The following ANXA8 variants were observed in gnomAD, a reference collection of about 807,000 sequenced individuals.
The protein encoded by ANXA8 is annexin A8.
Under a neutral mutation model 26.8 loss-of-function variants are expected in ANXA8, and 9 were observed. The ratio of observed to expected loss-of-function variants is 0.34; its 90% CI spans 0.20 to 0.59. The LOEUF (loss-of-function observed/expected upper bound fraction) is 0.59. Ranked by LOEUF, ANXA8 falls within the 20% of genes least tolerant of loss-of-function variation. The pLI, the probability that ANXA8 is intolerant of heterozygous loss-of-function variation, is 0.84. For synonymous variants in ANXA8, 39 were observed against 94.8 expected, an observed-to-expected ratio of 0.41 and a Z score of 3.42; for missense variants, 83 against 238.5, an observed-to-expected ratio of 0.35 and a Z score of 4.29.
At chr10:47,945,125 G>A in the ANXA8 span, among the ~76,000 whole-genome samples, 210 of 150,362 alleles carry the variant, frequency 1.4e-3, 2 homozygotes, top group African/African-American at 4.8e-3. Flanking sequence ...CCCTGAGTTC[G>A]ACCCTCTTGT....
the ANXA8 span, chr10:47,970,622 T>C: frequency 6.6e-6 from 1 of 151,558 alleles, no homozygotes; most frequent in East Asian, 1.9e-4. Context: ...ATCGTAGGCA[T>C]GTGACTAATT....
the ANXA8 span, among the ~76,000 whole-genome samples, chr10:47,701,751 G>A: frequency 3.3e-5 from 5 of 151,732 alleles, no homozygotes; most frequent in Admixed American, 3.3e-4. Context: ...GGAGAGGGGT[G>A]GAAGAAAGTG....
At chr10:47,744,533 A>T in the ANXA8 span, among the ~76,000 whole-genome samples, 15 of 150,786 alleles carry the variant, frequency 9.9e-5, no homozygotes, top group Admixed American at 8.6e-4. Context: ...CAGTCACTCC[A>T]CTTTGAGAAA....
chr10:47,736,601 A>AGGTTATCT, the ANXA8 span, among the ~76,000 whole-genome samples: 1 of 150,918 alleles, frequency 6.6e-6, no homozygotes, highest in African/African-American at 2.5e-5. Flanking sequence ...TGTTAGGTTT[A>AGGTTATCT]AAAAAGGTTA....
the ANXA8 span, among the ~76,000 whole-genome samples, chr10:47,944,042 G>A: frequency 2.7e-5 from 4 of 147,476 alleles, no homozygotes; most frequent in South Asian, 2.1e-4. Context: ...GGCTCGGGCC[G>A]CTATTGCAGA....
chr10:47,615,982 A>G, the ANXA8 span, among the ~76,000 whole-genome samples: 2 of 71,044 alleles, frequency 2.8e-5, 1 homozygote, highest in African/African-American at 8.6e-5. Context: ...CAGAGCCAAT[A>G]GGCATTGAGT....
At chr10:47,618,496 A>G in the ANXA8 span, among the ~76,000 whole-genome samples, 2 of 111,840 alleles carry the variant, frequency 1.8e-5, 1 homozygote, top group African/African-American at 6.9e-5. Flanking sequence ...AATTTTGTGG[A>G]TATTCTTTAG....
At chr10:47,974,804 TTA>T in the ANXA8 span, among the ~76,000 whole-genome samples, 2 of 149,684 alleles carry the variant, frequency 1.3e-5, no homozygotes, top group Non-Finnish European at 3.0e-5. Context: ...GAGACTTGCT[TTA>T]TGACTCAGCA....
At chr10:47,565,246 G>C in the ANXA8 span, 1 of 582,910 alleles carries the variant, frequency 1.7e-6, no homozygotes, top group East Asian at 2.7e-5. Context: ...GGGCCCCACT[G>C]CCATGGCTGC....
the ANXA8 span, among the ~76,000 whole-genome samples, chr10:47,617,054 A>G: frequency 3.9e-3 from 279 of 71,880 alleles, 33 homozygotes; most frequent in East Asian, 0.015. Context: ...ATATATACAT[A>G]TAAATTACAT....
chr10:47,951,806 G>A, the ANXA8 span, among the ~76,000 whole-genome samples: 1 of 89,936 alleles, frequency 1.1e-5, no homozygotes, highest in Non-Finnish European at 1.9e-5. Context: ...GCAAGACTCT[G>A]TCTCCAAAAA....
At position 47,484,011 on chromosome 10, in the gene ANXA8, G is replaced by T; in HGVS notation, c.-78C>A. 1 of 1,611,614 alleles carries T rather than the reference G, an allele frequency of 6.2e-7. No homozygotes were observed. Among genetic ancestry groups the T allele is most frequent in the Non-Finnish European group, 8.5e-7 (1 of 1,179,824 alleles). The stretch of plus-strand genomic sequence containing the variant: ...CCTCTGCTGGGACTCCACACGTCTG[G>T]CTCCTGCAGCTGAGGAGTGAGCAGG... On this transcript the variant is annotated 5_prime_UTR_variant, in exon 1 of 12. Transcript: ENST00000585281.
chr10:47,603,298 A>T, the ANXA8 span, among the ~76,000 whole-genome samples: 4 of 149,344 alleles, frequency 2.7e-5, 1 homozygote, highest in African/African-American at 1.0e-4. Context: ...TATTACCAAC[A>T]TATTATAGAA....
chr10:47,628,785 G>T, the ANXA8 span, among the ~76,000 whole-genome samples: 2 of 149,476 alleles, frequency 1.3e-5, 1 homozygote, highest in African/African-American at 5.1e-5. Flanking sequence ...GTGAACAAAA[G>T]AAAAAACATT....
the ANXA8 span, among the ~76,000 whole-genome samples, chr10:47,723,627 CCT>C: frequency 7.2e-6 from 1 of 139,224 alleles, no homozygotes; most frequent in African/African-American, 2.6e-5. Flanking sequence ...TTTTCTACCC[CCT>C]CTTTAAATGC....
the ANXA8 span, among the ~76,000 whole-genome samples, chr10:47,699,668 A>G: frequency 4.0e-5 from 6 of 151,510 alleles, no homozygotes; most frequent in African/African-American, 1.5e-4. Flanking sequence ...AAAGAAAAAG[A>G]AAAAGAAAAA....
At chr10:47,947,646 T>C in the ANXA8 span, among the ~76,000 whole-genome samples, 472 of 150,796 alleles carry the variant, frequency 3.1e-3, 11 homozygotes, top group Admixed American at 6.7e-3. Flanking sequence ...TGCTCCGCCA[T>C]GTGAAGGATG....
the ANXA8 span, among the ~76,000 whole-genome samples, chr10:47,529,237 G>C: frequency 0.011 from 1,564 of 141,774 alleles, 103 homozygotes; most frequent in South Asian, 0.046. Flanking sequence ...CTTTTCTTAA[G>C]CTAAGAGAAT....
the ANXA8 span, chr10:47,503,022 G>A: frequency 2.4e-4 from 393 of 1,606,740 alleles, 3 homozygotes; most frequent in African/African-American, 3.0e-3. Flanking sequence ...CACCCAGCCC[G>A]GTGTCCATGT....
Sources: gnomAD v4.1 joint callset for allele counts (sites outside exome capture counted in the v4.1 genomes callset) on GRCh38, gnomAD v4.1.1 for gene constraint, MANE v1.5 for transcripts, NCBI Gene and HGNC (gene_info 2026-07-23, HGNC 2026-07-21) for gene names.